TBC1D13: variants seen among roughly 807,000 people sequenced by gnomAD.
The protein encoded by TBC1D13 is epididymis secretory sperm binding protein.
Under a neutral mutation model 53.6 loss-of-function variants are expected in TBC1D13, and 40 were observed. The observed-to-expected ratio is 0.75, with a 90% CI of 0.58 to 0.97. The LOEUF is 0.97. TBC1D13 is among the 50% of genes least tolerant of loss of function. The pLI is 0.00. For missense variants in TBC1D13, 377 were observed against 499.4 expected (o/e 0.75, Z 2.34); for synonymous variants, 182 against 197.7 (o/e 0.92, Z 0.67).
At chr9:128,806,419 G>A (rs906545681) in intron 11 of TBC1D13, 108 bp downstream of exon 11, 8 of 1,334,564 alleles carry the variant, frequency 6.0e-6, no homozygotes, top group Middle Eastern at 2.2e-4. Context: ...GCGGAGTGTA[G>A]TAGGGATTAA....
Position 128,807,999 on chromosome 9 carries a change from A to T in TBC1D13, c.*120A>T. 2 of 932,404 alleles carry T rather than the reference A, an allele frequency of 2.1e-6. No individual in the cohort carries two copies. Among genetic ancestry groups the T allele is most frequent in the Non-Finnish European group, 3.4e-6 (2 of 590,202 alleles). 57.8% of individuals were successfully genotyped at this position (932,404 alleles called of 1,614,324 possible). On this transcript the variant is annotated 3_prime_UTR_variant, in exon 12 of 12. Coordinates refer to ENST00000372648, the MANE Select transcript of TBC1D13 (RefSeq NM_018201.5). Reference sequence around the variant, plus strand: ...GGGGAAGCCACAGGATCGGCCCGAGACCCAGGCCATGCCCACTGGGGACAC... The same window carrying T: ...GGGGAAGCCACAGGATCGGCCCGAGTCCCAGGCCATGCCCACTGGGGACAC...
At chr9:128,799,553 G>A (rs573991197) in intron 7 of TBC1D13, among the ~76,000 whole-genome samples, 1 of 152,322 alleles carries the variant, frequency 6.6e-6, no homozygotes, top group East Asian at 1.9e-4. Context: ...AGGTTTGGGA[G>A]TCAGCCAGTT....
intron 6 of TBC1D13, among the ~76,000 whole-genome samples, chr9:128,795,208 C>G (rs953986935): frequency 6.6e-6 from 1 of 150,380 alleles, no homozygotes; most frequent in Admixed American, 6.6e-5. Context: ...GCACATGCCA[C>G]CACACCCAGC....
chr9:128,806,134 G>C (rs1477099650), intron 10 of TBC1D13, 115 bp downstream of exon 10: 32 of 1,586,902 alleles, frequency 2.0e-5, no homozygotes, highest in Non-Finnish European at 2.7e-5. Context: ...GCTGGAGTGG[G>C]ATTCTGGAGT....
At chr9:128,788,438 C>T in intron 2 of TBC1D13, 31 bp downstream of exon 2, 1 of 1,604,422 alleles carries the variant, frequency 6.2e-7, no homozygotes, top group Non-Finnish European at 8.5e-7. Context: ...TTCACGGTTT[C>T]CCTACAGCAG....
chr9:128,790,879 C>T, intron 3 of TBC1D13, 104 bp downstream of exon 3: 1 of 1,235,242 alleles, frequency 8.1e-7, no homozygotes, highest in East Asian at 2.6e-5. Context: ...TGCACCTTTC[C>T]TTGCTTGTCT....
chr9:128,798,258 AAAAG>A (rs1165394297), intron 7 of TBC1D13, among the ~76,000 whole-genome samples: 2 of 152,102 alleles, frequency 1.3e-5, no homozygotes, highest in African/African-American at 2.4e-5. Context: ...GTCAAAAAAA[AAAAG>A]AAAAGAAGAG....
chr9:128,806,451 C>A (rs1468765043), intron 11 of TBC1D13, 140 bp downstream of exon 11: 1 of 986,258 alleles, frequency 1.0e-6, no homozygotes, highest in Non-Finnish European at 1.5e-6. Flanking sequence ...CTGAGCAGAT[C>A]TGGTTTGGAT....
chr9:128,787,263 C>T lies in TBC1D13; in HGVS notation c.-91C>T. ...CCGCCGGAGGCTTTTGCGCAGAGCC[C>T]CGCGTCCCTGGGGGGCGGCGGCGGC... On this transcript the variant is annotated 5_prime_UTR_variant, in exon 1 of 12. Transcript: ENST00000372648. 1 of 1,229,380 alleles carries T rather than the reference C, an allele frequency of 8.1e-7. No homozygotes were observed. The highest frequency in any genetic ancestry group is 3.2e-5 in the East Asian group (1 of 31,652). The allele number at this position is 1,229,380 out of a possible 1,614,324, so 76.2% of individuals were successfully genotyped here.
chr9:128,792,411 C>A, intron 5 of TBC1D13, 81 bp from the exon 6 acceptor site: 2 of 1,252,806 alleles, frequency 1.6e-6, no homozygotes, highest in Non-Finnish European at 2.3e-6. Flanking sequence ...GCAGCAAGGC[C>A]ACTGCTCAGG....
chr9:128,793,324 G>A (rs4837308), intron 6 of TBC1D13, among the ~76,000 whole-genome samples: 145,406 of 152,348 alleles, frequency 0.95, 69,400 homozygotes, highest in Non-Finnish European at 0.96. Context: ...ATGTGTTTGT[G>A]CTTTTCCACT....
Position 128,791,658 on chromosome 9 carries a change from G to A in TBC1D13, c.265G>A (p.Gly89Ser). ...IQPGIAKANM[G>S]VSREDVTFED... ...GCCTGGCATTGCCAAGGCCAACATG[G>A]GTGTGTCCAGGGAGGATGTGACTTT... The change falls in exon 5 of 12, where the codon GGT (glycine) becomes AGT (serine). Residue 89 changes from glycine (G) to serine (S), a missense_variant. By Grantham distance (56) the Gly-to-Ser change is moderately conservative. Transcript: ENST00000372648. 2 of 1,614,230 alleles carry A rather than the reference G, an allele frequency of 1.2e-6. No individual in the cohort carries two copies. The highest frequency in any genetic ancestry group is 1.1e-5 in the South Asian group (1 of 91,090).
intron 6 of TBC1D13, among the ~76,000 whole-genome samples, chr9:128,796,332 C>G (rs1018888095): frequency 6.6e-6 from 1 of 152,116 alleles, no homozygotes; most frequent in Non-Finnish European, 1.5e-5. Context: ...TCACTGCAAC[C>G]TCCGCCTCCC....
intron 7 of TBC1D13, among the ~76,000 whole-genome samples, chr9:128,801,784 C>T (rs1466722369): frequency 3.5e-5 from 5 of 143,462 alleles, no homozygotes; most frequent in Non-Finnish European, 6.0e-5. Context: ...TTTTTTGAGA[C>T]GGAGTCTCGC....
intron 2 of TBC1D13, 135 bp from the exon 3 acceptor site, chr9:128,790,600 C>T (rs1829513399): frequency 2.6e-6 from 2 of 776,206 alleles, no homozygotes; most frequent in African/African-American, 1.8e-5. Context: ...CCAATCTAGT[C>T]ATCTTTCTTG....
chr9:128,808,408 C>CGTGTGTGTGT lies in TBC1D13; in HGVS notation c.*568_*577dup, dbSNP rs3138859. On this transcript the variant is annotated 3_prime_UTR_variant, in exon 12 of 12. Transcript: ENST00000372648. ...GGCCCAAGTCCCCAGGCATCTTCTCCGTGTGTGTGTGTGTGTGTGTGTGTG... is the reference window on the plus strand; with the variant it reads ...GGCCCAAGTCCCCAGGCATCTTCTCCGTGTGTGTGTGTGTGTGTGTGTGTGTGTGTGTGTG... 4,926 of 121,692 alleles carry CGTGTGTGTGT rather than the reference C, an allele frequency of 0.04. 283 individuals are homozygous for CGTGTGTGTGT. Among genetic ancestry groups the CGTGTGTGTGT allele is most frequent in the African/African-American group, 0.062 (1,639 of 26,230 alleles). The allele number at this position is 121,692 out of a possible 1,614,324, so 7.5% of individuals were successfully genotyped here. A position where few individuals can be genotyped will look rare whatever the true frequency, so the allele number is the denominator to read the frequency against.
At chr9:128,805,321 A>T (rs184815825) in intron 9 of TBC1D13, among the ~76,000 whole-genome samples, 1 of 151,412 alleles carries the variant, frequency 6.6e-6, no homozygotes, top group East Asian at 1.9e-4. Flanking sequence ...ATATAGCGAG[A>T]CCTCATCTCT....
intron 6 of TBC1D13, among the ~76,000 whole-genome samples, chr9:128,795,464 TTTTTTTTTTTTTTTGG>T (rs1829612730): frequency 2.2e-5 from 2 of 91,232 alleles, no homozygotes; most frequent in African/African-American, 8.8e-5. Flanking sequence ...TTTTTTTTTT[TTTTTTTTTTTTTTTGG>T]GAAGGAGTCT....
At chr9:128,793,496 G>A (rs117257876) in intron 6 of TBC1D13, among the ~76,000 whole-genome samples, 1,910 of 152,176 alleles carry the variant, frequency 0.013, 13 homozygotes, top group Middle Eastern at 0.02. Context: ...TTTCCATTCC[G>A]CATTTACCAG....
Sources: gnomAD v4.1 joint callset for allele counts (sites outside exome capture counted in the v4.1 genomes callset) on GRCh38, gnomAD v4.1.1 for gene constraint, MANE v1.5 for transcripts, NCBI Gene and HGNC (gene_info 2026-07-23, HGNC 2026-07-21) for gene names.